SLC24A2: variants seen among roughly 807,000 people sequenced by gnomAD.
SLC24A2 encodes the protein sodium/potassium/calcium exchanger 2.
A neutral mutation model predicts 62.0 loss-of-function variants in SLC24A2; 36 were observed. The ratio of observed to expected loss-of-function variants is 0.58; its 90% confidence interval spans 0.44 to 0.77. SLC24A2 has a LOEUF of 0.77. Ranked by LOEUF, SLC24A2 falls within the 30% of genes least tolerant of loss-of-function variation. The pLI, the probability that SLC24A2 is intolerant of heterozygous loss-of-function variation, is 0.00. For synonymous variants in SLC24A2, 358 were observed against 294.0 expected (o/e 1.22, Z -2.23); for missense variants, 846 against 817.9 (o/e 1.03, Z -0.42).
chr9:20,118,022 C>T, the SLC24A2 span, among the ~76,000 whole-genome samples: 1 of 152,016 alleles, frequency 6.6e-6, no homozygotes, highest in Non-Finnish European at 1.5e-5. Context: ...TAACTATGAG[C>T]ACATCTTTAT....
At chr9:19,522,510 T>A (rs747143612) in intron 9 of SLC24A2, among the ~76,000 whole-genome samples, 6 of 152,228 alleles carry the variant, frequency 3.9e-5, no homozygotes, top group Non-Finnish European at 7.3e-5. Context: ...TTTAAAAAAA[T>A]TCTTATTTTT....
chr9:20,268,421 A>C, the SLC24A2 span, among the ~76,000 whole-genome samples: 1 of 152,084 alleles, frequency 6.6e-6, no homozygotes, highest in Non-Finnish European at 1.5e-5. Context: ...TTGTGAATGG[A>C]CTAATTTACT....
intron 2 of SLC24A2, among the ~76,000 whole-genome samples, chr9:19,653,684 T>C (rs1021705307): frequency 1.3e-5 from 2 of 152,216 alleles, no homozygotes; most frequent in African/African-American, 4.8e-5. Flanking sequence ...TTTAACGTTG[T>C]CATTCATCTA....
intron 2 of SLC24A2, among the ~76,000 whole-genome samples, chr9:19,646,725 G>T (rs778308784): frequency 3.3e-5 from 5 of 151,936 alleles, no homozygotes; most frequent in Non-Finnish European, 5.9e-5. Context: ...TACTTCCTTG[G>T]CATGTTTAGA....
chr9:20,207,266 G>C, the SLC24A2 span, among the ~76,000 whole-genome samples: 1 of 152,066 alleles, frequency 6.6e-6, no homozygotes, highest in South Asian at 2.1e-4. Flanking sequence ...AAAACATAAA[G>C]GAAAGATCAC....
At chr9:20,207,171 A>T in the SLC24A2 span, among the ~76,000 whole-genome samples, 2 of 152,250 alleles carry the variant, frequency 1.3e-5, no homozygotes, top group East Asian at 3.8e-4. Flanking sequence ...TCATTCTATA[A>T]TGCAGACTTT....
chr9:19,535,835 T>C (rs1833941425), intron 8 of SLC24A2, among the ~76,000 whole-genome samples: 1 of 152,326 alleles, frequency 6.6e-6, no homozygotes, highest in African/African-American at 2.4e-5. Flanking sequence ...GGCTCTTTTT[T>C]GGTTCCATAT....
the SLC24A2 span, among the ~76,000 whole-genome samples, chr9:20,059,052 A>G: frequency 1.3e-5 from 2 of 152,208 alleles, no homozygotes; most frequent in Non-Finnish European, 1.5e-5. Flanking sequence ...AGTTAATATG[A>G]GAGGCTGAAT....
intron 2 of SLC24A2, among the ~76,000 whole-genome samples, chr9:19,708,994 G>A (rs375967062): frequency 5.9e-5 from 9 of 151,938 alleles, no homozygotes; most frequent in South Asian, 2.1e-4. Context: ...GAAAATTTTC[G>A]CAACCTACTC....
chr9:20,173,919 T>A, the SLC24A2 span, among the ~76,000 whole-genome samples: 2 of 151,958 alleles, frequency 1.3e-5, no homozygotes, highest in Non-Finnish European at 2.9e-5. Flanking sequence ...AGAACAAAAC[T>A]GGAGGCATCA....
chr9:20,304,927 G>A, the SLC24A2 span, among the ~76,000 whole-genome samples: 2 of 151,664 alleles, frequency 1.3e-5, no homozygotes, highest in East Asian at 1.9e-4. Flanking sequence ...TGCCAGTCTC[G>A]GTGTCCACCA....
chr9:20,022,621 G>C, the SLC24A2 span, among the ~76,000 whole-genome samples: 1 of 152,142 alleles, frequency 6.6e-6, no homozygotes, highest in Non-Finnish European at 1.5e-5. Flanking sequence ...TGATGACTAA[G>C]TTATATGACT....
At chr9:19,762,792 G>T (rs1473617826) in intron 2 of SLC24A2, among the ~76,000 whole-genome samples, 2 of 78,566 alleles carry the variant, frequency 2.5e-5, no homozygotes, top group African/African-American at 5.3e-5. Context: ...GGCTATATGT[G>T]CTTTTTTTTT....
At chr9:20,198,829 G>A in the SLC24A2 span, among the ~76,000 whole-genome samples, 1 of 152,306 alleles carries the variant, frequency 6.6e-6, no homozygotes, top group East Asian at 1.9e-4. Context: ...GGCAAACCTG[G>A]TTGTGCCATG....
At chr9:19,677,975 C>T (rs1461909083) in intron 2 of SLC24A2, among the ~76,000 whole-genome samples, 3 of 152,094 alleles carry the variant, frequency 2.0e-5, no homozygotes, top group Non-Finnish European at 2.9e-5. Flanking sequence ...AGGCATCAGA[C>T]GCCATGGAAG....
At chr9:19,839,501 A>G in the SLC24A2 span, among the ~76,000 whole-genome samples, 2 of 152,158 alleles carry the variant, frequency 1.3e-5, no homozygotes, top group Non-Finnish European at 2.9e-5. Flanking sequence ...TTCTCTATAT[A>G]GAACCACCTG....
chr9:20,139,138 T>C, the SLC24A2 span, among the ~76,000 whole-genome samples: 10 of 152,162 alleles, frequency 6.6e-5, no homozygotes, highest in Non-Finnish European at 4.4e-5. Flanking sequence ...TTTTTTGCCA[T>C]TTTGAAAGTA....
the SLC24A2 span, among the ~76,000 whole-genome samples, chr9:20,170,754 T>C: frequency 8.8e-3 from 1,336 of 152,106 alleles, 17 homozygotes; most frequent in African/African-American, 0.031. Flanking sequence ...TCAGTGTTCC[T>C]GAGGAAGAAG....
chr9:20,202,288 T>G, the SLC24A2 span, among the ~76,000 whole-genome samples: 1 of 152,206 alleles, frequency 6.6e-6, no homozygotes, highest in East Asian at 1.9e-4. Flanking sequence ...TTGGCATTTC[T>G]TTGTAGTCTG....
Sources: allele counts gnomAD v4.1 joint callset (sites outside exome capture counted in the v4.1 genomes callset), GRCh38; gene constraint gnomAD v4.1.1; transcripts MANE v1.5; gene names NCBI Gene and HGNC (gene_info 2026-07-23, HGNC 2026-07-21).